Variants in BCAT1 observed in about 807,000 individuals in gnomAD.
BCAT1 encodes branched-chain-amino-acid aminotransferase, cytosolic.
BCAT1 carries 48 observed loss-of-function variants against 52.4 expected under a neutral mutation model. The ratio of observed to expected loss-of-function variants is 0.92; its 90% CI spans 0.73 to 1.16. The LOEUF is 1.16. BCAT1 is among the 50% of genes most tolerant of loss of function. The probability of loss-of-function intolerance (pLI) is 0.00; values close to 1 mark genes in which losing one functional copy is unlikely to be tolerated. For synonymous variants in BCAT1, 167 were observed against 161.3 expected, an observed-to-expected ratio of 1.04 and a Z score of -0.27; for missense variants, 451 against 457.1, an observed-to-expected ratio of 0.99 and a Z score of 0.12.
At chr12:24,941,287 T>C (rs10505955) in intron 1 of BCAT1, among the ~76,000 whole-genome samples, 48,777 of 152,112 alleles carry the variant, frequency 0.32, 9,154 homozygotes, top group Middle Eastern at 0.54. Flanking sequence ...AGTTTGGCAA[T>C]GGGCATTAAG....
chr12:24,868,170 C>T (rs1242148209), intron 5 of BCAT1, among the ~76,000 whole-genome samples: 3 of 152,166 alleles, frequency 2.0e-5, no homozygotes, highest in African/African-American at 7.2e-5. Flanking sequence ...GCTAGTATAA[C>T]TAACTCATGA....
At chr12:24,843,459 T>C (rs990583071) in intron 6 of BCAT1, among the ~76,000 whole-genome samples, 1 of 151,982 alleles carries the variant, frequency 6.6e-6, no homozygotes, top group Non-Finnish European at 1.5e-5. Flanking sequence ...AAGAATTAGC[T>C]GGGCGTGGTG....
intron 5 of BCAT1, among the ~76,000 whole-genome samples, chr12:24,867,577 T>A (rs10743524): frequency 0.84 from 128,156 of 152,226 alleles, 54,270 homozygotes; most frequent in East Asian, 1. Context: ...ACAGAAAAGC[T>A]CAAAAGCAGG....
intron 8 of BCAT1, among the ~76,000 whole-genome samples, chr12:24,833,544 C>T (rs2139389781): frequency 6.6e-6 from 1 of 151,958 alleles, no homozygotes; most frequent in South Asian, 2.1e-4. Context: ...ACAAAAAAAT[C>T]AGTGTCTTAA....
At chr12:24,897,817 G>T (rs143673251) in intron 2 of BCAT1, among the ~76,000 whole-genome samples, 1 of 152,156 alleles carries the variant, frequency 6.6e-6, no homozygotes, top group African/African-American at 2.4e-5. Flanking sequence ...GCCTCTGAAA[G>T]TGCTGGGATT....
At chr12:24,822,040 T>A (rs1450754558) in intron 10 of BCAT1, among the ~76,000 whole-genome samples, 2 of 152,060 alleles carry the variant, frequency 1.3e-5, no homozygotes, top group Non-Finnish European at 2.9e-5. Flanking sequence ...AAGGTGAGTA[T>A]GATGGTGAGT....
At chr12:24,842,273 T>C (rs770011077) in intron 6 of BCAT1, 49 bp from the exon 7 acceptor site, 3 of 1,592,096 alleles carry the variant, frequency 1.9e-6, no homozygotes, top group African/African-American at 2.7e-5. Context: ...TCATCCCCAC[T>C]CCCTCATCTT....
intron 3 of BCAT1, among the ~76,000 whole-genome samples, chr12:24,885,234 C>A (rs1334197666): frequency 6.6e-6 from 1 of 151,976 alleles, no homozygotes; most frequent in Admixed American, 6.5e-5. Flanking sequence ...GCAAGCTGGC[C>A]AGATGCAAAA....
intron 3 of BCAT1, among the ~76,000 whole-genome samples, chr12:24,888,863 C>T (rs184687321): frequency 8.3e-4 from 127 of 152,176 alleles, no homozygotes; most frequent in Non-Finnish European, 1.4e-3. Context: ...CATAGATATC[C>T]ACAGCTGCGT....
intron 2 of BCAT1, among the ~76,000 whole-genome samples, chr12:24,896,105 C>A (rs77464868): frequency 1.3e-5 from 2 of 152,122 alleles, no homozygotes; most frequent in African/African-American, 2.4e-5. Flanking sequence ...CTGCCTGCCT[C>A]GACCTCCCAA....
chr12:24,836,906 GAGAGAAAGAAAGAA>G (rs751376081), intron 7 of BCAT1, among the ~76,000 whole-genome samples: 13,792 of 76,212 alleles, frequency 0.18, 2,196 homozygotes, highest in Non-Finnish European at 0.22. Flanking sequence ...AGAAAAGAAA[GAGAGAAAGAAAGAA>G]AGAAAGAAAG....
chr12:24,875,566 G>A (rs1425453557), intron 5 of BCAT1, among the ~76,000 whole-genome samples: 2 of 152,182 alleles, frequency 1.3e-5, no homozygotes, highest in East Asian at 3.8e-4. Context: ...TTGATAGAGT[G>A]TATAGTGAAA....
intron 2 of BCAT1, among the ~76,000 whole-genome samples, chr12:24,895,299 T>C (rs1942933924): frequency 6.6e-6 from 1 of 152,036 alleles, no homozygotes; most frequent in Admixed American, 6.6e-5. Context: ...AGCCGAGGCA[T>C]GCAGATCACA....
At chr12:24,854,919 C>G (rs1433858073) in intron 5 of BCAT1, among the ~76,000 whole-genome samples, 1 of 152,088 alleles carries the variant, frequency 6.6e-6, no homozygotes, top group Non-Finnish European at 1.5e-5. Context: ...TAGCTTTCTT[C>G]CCGCTGAGCC....
intron 5 of BCAT1, among the ~76,000 whole-genome samples, chr12:24,853,286 T>C (rs1467424325): frequency 6.6e-6 from 1 of 152,222 alleles, no homozygotes. Flanking sequence ...AATGAACTCA[T>C]GTCATTTGTA....
intron 1 of BCAT1, among the ~76,000 whole-genome samples, chr12:24,920,790 C>T (rs1479323732): frequency 6.6e-6 from 1 of 152,176 alleles, no homozygotes; most frequent in African/African-American, 2.4e-5. Flanking sequence ...AACTGCTGAC[C>T]AACAGGTTTC....
intron 1 of BCAT1, among the ~76,000 whole-genome samples, chr12:24,939,771 T>C (rs117114255): frequency 6.6e-6 from 1 of 152,250 alleles, no homozygotes; most frequent in East Asian, 1.9e-4. Context: ...AGGCTGGAGA[T>C]TGCAGTGAGC....
At chr12:24,917,195 CT>C (rs60491814) in intron 1 of BCAT1, among the ~76,000 whole-genome samples, 1,758 of 103,508 alleles carry the variant, frequency 0.017, 8 homozygotes, top group East Asian at 0.061. Context: ...GAGCTTTGGA[CT>C]TTTTTTTTTT....
intron 1 of BCAT1, among the ~76,000 whole-genome samples, chr12:24,935,656 C>T (rs1189906881): frequency 1.3e-5 from 2 of 152,172 alleles, no homozygotes; most frequent in African/African-American, 2.4e-5. Flanking sequence ...ACAGTTCCTA[C>T]CTCAATTTAT....
Sources: gnomAD v4.1 joint callset for allele counts (sites outside exome capture counted in the v4.1 genomes callset) on GRCh38, gnomAD v4.1.1 for gene constraint, MANE v1.5 for transcripts, NCBI Gene and HGNC (gene_info 2026-07-23, HGNC 2026-07-21) for gene names.